DLC1: variants seen among roughly 807,000 people sequenced by gnomAD.
DLC1 encodes DLC1 Rho GTPase activating protein.
Under a neutral mutation model 140.3 loss-of-function variants are expected in DLC1, and 54 were observed. That is an observed-to-expected ratio of 0.38 (90% confidence interval 0.31 to 0.48). The LOEUF is 0.48. DLC1 is among the 20% of genes least tolerant of loss of function. DLC1 has a pLI of 0.96. For synonymous variants in DLC1, 986 were observed against 728.1 expected (o/e 1.35, Z -5.70); for missense variants, 2,536 against 1,907.0 (o/e 1.33, Z -6.14).
chr8:13,516,854 C>A (rs1802605174), upstream of DLC1, among the ~76,000 whole-genome samples: 1 of 152,094 alleles, frequency 6.6e-6, no homozygotes, highest in Non-Finnish European at 1.5e-5. Context: ...TATTGAGAAG[C>A]AATTTTCTCA....
chr8:13,091,216 TG>T, intron 14 of DLC1, 101 bp downstream of exon 14: 1 of 1,040,042 alleles, frequency 9.6e-7, no homozygotes, highest in African/African-American at 1.6e-5. Flanking sequence ...TCTCCAGCTG[TG>T]GAAAAGGTCT....
At chr8:13,511,328 T>TC (rs922963516) in intron 1 of DLC1, among the ~76,000 whole-genome samples, 3 of 151,852 alleles carry the variant, frequency 2.0e-5, no homozygotes. Flanking sequence ...TTCACCTTTT[T>TC]TTTTGGCATT....
chr8:13,572,471 CAA>C (rs1293633465), intron 1 of DLC1, among the ~76,000 whole-genome samples: 4 of 152,086 alleles, frequency 2.6e-5, no homozygotes, highest in Non-Finnish European at 5.9e-5. Flanking sequence ...TTTATACACA[CAA>C]GTTTTTAATT....
chr8:13,567,676 G>A (rs776237853), intron 1 of DLC1: 148 of 1,551,788 alleles, frequency 9.5e-5, no homozygotes, highest in Non-Finnish European at 1.2e-4. Flanking sequence ...TCTACTCCAA[G>A]AGAGAATAGA....
Position 13,107,096 on chromosome 8 carries a change from G to A in DLC1, c.1502+3646C>T, listed in dbSNP as rs539384685. 4.5e-4 allele frequency among the ~76,000 whole-genome samples: 68 copies of A among 152,288 alleles called. No individual in the cohort carries two copies. The East Asian group carries it at 7.1e-3, about 16-fold the overall frequency. On this transcript the variant is annotated intron_variant, in intron 7 of 17. Coordinates refer to ENST00000276297, the MANE Select transcript of DLC1 (RefSeq NM_182643.3). ...TCAGGCCAAAGCCGTTTCTCCAAGG[G>A]AACAGACACATGAACCCCTTGCAGT...
chr8:13,228,947 G>A (rs1385564067), intron 5 of DLC1, among the ~76,000 whole-genome samples: 1 of 152,194 alleles, frequency 6.6e-6, no homozygotes, highest in Non-Finnish European at 1.5e-5. Flanking sequence ...ACAAGTGTTG[G>A]TAAGGATGTG....
chr8:13,095,064 G>T (rs1818393344), intron 11 of DLC1, 22 bp downstream of exon 11: 2 of 1,613,948 alleles, frequency 1.2e-6, no homozygotes, highest in East Asian at 2.2e-5. Context: ...TGAGTACGTG[G>T]ACCCGCAGGC....
At chr8:13,355,461 G>T (rs1265150480) in intron 4 of DLC1, among the ~76,000 whole-genome samples, 1 of 152,192 alleles carries the variant, frequency 6.6e-6, no homozygotes, top group African/African-American at 2.4e-5. Context: ...GAAACTGGAA[G>T]TTTCAGATCA....
chr8:13,183,739 T>G (rs1826175348), intron 5 of DLC1, among the ~76,000 whole-genome samples: 1 of 152,216 alleles, frequency 6.6e-6, no homozygotes, highest in Admixed American at 6.5e-5. Flanking sequence ...TGAGGATTTT[T>G]GCATCGATGT....
chr8:13,552,113 A>ATATATATATATG (rs1803883945), intron 1 of DLC1, among the ~76,000 whole-genome samples: 2 of 66,548 alleles, frequency 3.0e-5, no homozygotes, highest in South Asian at 5.7e-4. Context: ...CTAGAGGTGT[A>ATATATATATATG]TATATATATA....
chr8:13,601,720 G>A (rs1805892887), intron 1 of DLC1, among the ~76,000 whole-genome samples: 1 of 151,564 alleles, frequency 6.6e-6, no homozygotes, highest in Admixed American at 6.6e-5. Flanking sequence ...AACAACTGGA[G>A]TGTGCCTTTT....
At chr8:13,337,231 T>C (rs2116967482) in intron 4 of DLC1, among the ~76,000 whole-genome samples, 1 of 152,278 alleles carries the variant, frequency 6.6e-6, no homozygotes, top group East Asian at 1.9e-4. Flanking sequence ...AATGTGGATA[T>C]CATTTCCATA....
chr8:13,096,661 G>C (rs1206409699), intron 10 of DLC1, among the ~76,000 whole-genome samples: 1 of 151,986 alleles, frequency 6.6e-6, no homozygotes, highest in Admixed American at 6.6e-5. Context: ...TCTGTATTTA[G>C]CAAGGCTCAC....
intron 5 of DLC1, among the ~76,000 whole-genome samples, chr8:13,174,590 T>C (rs1825663020): frequency 6.6e-6 from 1 of 152,290 alleles, no homozygotes; most frequent in Admixed American, 6.5e-5. Flanking sequence ...CTTCTTGTGG[T>C]TTTGATTTGC....
intron 1 of DLC1, among the ~76,000 whole-genome samples, chr8:13,537,691 T>C (rs1384600679): frequency 1.4e-5 from 2 of 140,132 alleles, no homozygotes; most frequent in African/African-American, 5.6e-5. Context: ...TCTCTCTCTG[T>C]CACCCAGGCT....
chr8:13,362,136 A>T (rs887291994), intron 4 of DLC1, among the ~76,000 whole-genome samples: 3 of 152,234 alleles, frequency 2.0e-5, no homozygotes, highest in African/African-American at 7.2e-5. Context: ...TTTGCAAGGC[A>T]GAGAGGAGTT....
chr8:13,204,429 G>A (rs544976816), intron 5 of DLC1, among the ~76,000 whole-genome samples: 3 of 152,272 alleles, frequency 2.0e-5, no homozygotes, highest in Non-Finnish European at 4.4e-5. Flanking sequence ...TTTAAAGTCC[G>A]CTTTAGTATT....
chr8:13,333,074 T>C (rs1833667930), intron 4 of DLC1, among the ~76,000 whole-genome samples: 1 of 152,238 alleles, frequency 6.6e-6, no homozygotes, highest in Admixed American at 6.5e-5. Flanking sequence ...ATATTACAGT[T>C]TTTTCATATT....
chr8:13,176,883 A>G (rs544769304), intron 5 of DLC1, among the ~76,000 whole-genome samples: 1 of 152,298 alleles, frequency 6.6e-6, no homozygotes, highest in African/African-American at 2.4e-5. Flanking sequence ...GTAAAGCAAT[A>G]TGAGAAGAAC....
Sources: allele counts gnomAD v4.1 joint callset (sites outside exome capture counted in the v4.1 genomes callset), GRCh38; gene constraint gnomAD v4.1.1; transcripts MANE v1.5; gene names NCBI Gene and HGNC (gene_info 2026-07-23, HGNC 2026-07-21).